Variants in PRKCA observed in about 807,000 individuals in gnomAD.
PRKCA encodes protein kinase C alpha type.
A neutral mutation model predicts 87.0 loss-of-function variants in PRKCA; 27 were observed. That is an observed-to-expected ratio of 0.31 (90% CI 0.23 to 0.43). The LOEUF is 0.43. PRKCA is among the 20% of genes least tolerant of loss of function. The pLI is 1.00. For missense variants in PRKCA, 518 were observed against 852.3 expected (o/e 0.61, Z 4.88); for synonymous variants, 329 against 311.1 (o/e 1.06, Z -0.61).
chr17:66,415,165 G>A (rs1005835251), intron 2 of PRKCA: 3 of 151,904 alleles, frequency 2.0e-5, no homozygotes, highest in African/African-American at 4.8e-5. Flanking sequence ...TCATAGTAAA[G>A]TCTAGATAAT....
At chr17:66,520,039 G>C (rs1163462073) in intron 3 of PRKCA, among the ~76,000 whole-genome samples, 1 of 151,466 alleles carries the variant, frequency 6.6e-6, no homozygotes, top group Non-Finnish European at 1.5e-5. Flanking sequence ...TGTTTTGTTT[G>C]TTTGTTTGTT....
intron 2 of PRKCA, chr17:66,364,463 A>G (rs1908581383): frequency 6.6e-6 from 1 of 152,246 alleles, no homozygotes; most frequent in Non-Finnish European, 1.5e-5. Context: ...AGGAAGTAAC[A>G]TTTGAATTTG....
intron 3 of PRKCA, among the ~76,000 whole-genome samples, chr17:66,614,682 C>A (rs1245110335): frequency 6.6e-6 from 1 of 152,164 alleles, no homozygotes; most frequent in Non-Finnish European, 1.5e-5. Flanking sequence ...TGGTGGCTGG[C>A]AAATACCGTG....
chr17:66,641,073 G>A (rs950568758), intron 3 of PRKCA: 11 of 338,764 alleles, frequency 3.2e-5, no homozygotes, highest in South Asian at 3.0e-4. Flanking sequence ...CAGGACAATC[G>A]TTTGAACCCA....
intron 2 of PRKCA, among the ~76,000 whole-genome samples, chr17:66,448,729 A>G (rs1271984287): frequency 6.6e-6 from 1 of 152,144 alleles, no homozygotes; most frequent in Non-Finnish European, 1.5e-5. Context: ...AAATTCAGCA[A>G]CATCACACAT....
At chr17:66,529,336 T>C (rs1226056100) in intron 3 of PRKCA, among the ~76,000 whole-genome samples, 1 of 152,224 alleles carries the variant, frequency 6.6e-6, no homozygotes, top group Non-Finnish European at 1.5e-5. Flanking sequence ...CACCAGCAGC[T>C]GACCTGGTGG....
rs187892910 is a variant in PRKCA, at chr17:66,541,445, C to A, written c.288+45162C>A. On this transcript the variant is annotated intron_variant, in intron 3 of 16. Transcript: ENST00000413366. ...CCTCTGTTGCTTATATTGATTTCTG[C>A]GGCAAAGAGCAGTTGACTGGGATTG... is the stretch of plus-strand genomic sequence containing the variant. Among the ~76,000 whole-genome samples the A allele has an allele frequency of 5.9e-5, 9 of 152,294 alleles. No homozygotes were observed. In the East Asian group the frequency reaches 1.7e-3, roughly 29 times the overall value.
intron 2 of PRKCA, among the ~76,000 whole-genome samples, chr17:66,378,361 A>G (rs1474124713): frequency 6.6e-6 from 1 of 152,178 alleles, no homozygotes; most frequent in Non-Finnish European, 1.5e-5. Context: ...TATGCCATTT[A>G]AAATATAAGG....
At chr17:66,461,775 G>A (rs1344964260) in intron 2 of PRKCA, among the ~76,000 whole-genome samples, 1 of 152,114 alleles carries the variant, frequency 6.6e-6, no homozygotes, top group Non-Finnish European at 1.5e-5. Context: ...GGGTTTCATG[G>A]TGGCCCATGA....
chr17:66,367,979 T>C (rs150377933), intron 2 of PRKCA, among the ~76,000 whole-genome samples: 2 of 152,288 alleles, frequency 1.3e-5, no homozygotes, highest in East Asian at 3.9e-4. Flanking sequence ...GCAGTTCCTC[T>C]TCATAGGGAG....
At chr17:66,708,191 C>T (rs1424089515) in intron 8 of PRKCA, among the ~76,000 whole-genome samples, 1 of 152,194 alleles carries the variant, frequency 6.6e-6, no homozygotes, top group African/African-American at 2.4e-5. Flanking sequence ...ATTCAGGGAA[C>T]TCGGTGGCTG....
intron 2 of PRKCA, 149 bp downstream of exon 2, chr17:66,306,276 A>G: frequency 1.3e-6 from 1 of 742,998 alleles, no homozygotes; most frequent in Non-Finnish European, 2.1e-6. Context: ...TGGGCCTTAA[A>G]AAATAATTGG....
At chr17:66,560,010 C>T (rs1160590606) in intron 3 of PRKCA, among the ~76,000 whole-genome samples, 5 of 152,292 alleles carry the variant, frequency 3.3e-5, no homozygotes, top group Admixed American at 3.3e-4. Flanking sequence ...GTGCTGAGGG[C>T]CTCACAGCCG....
intron 13 of PRKCA, among the ~76,000 whole-genome samples, chr17:66,772,076 A>G (rs1407993040): frequency 6.6e-6 from 1 of 152,162 alleles, no homozygotes; most frequent in Non-Finnish European, 1.5e-5. Context: ...CTTTTGGGAG[A>G]GCAATTTACC....
At chr17:66,439,512 T>C (rs764361943) in intron 2 of PRKCA, among the ~76,000 whole-genome samples, 26 of 152,212 alleles carry the variant, frequency 1.7e-4, no homozygotes, top group Non-Finnish European at 2.8e-4. Context: ...AAAAAAATTA[T>C]GTTGCTCTAC....
chr17:66,348,983 TA>T (rs1331759713), intron 2 of PRKCA, among the ~76,000 whole-genome samples: 1 of 152,238 alleles, frequency 6.6e-6, no homozygotes, highest in African/African-American at 2.4e-5. Flanking sequence ...GATTTTTTCA[TA>T]AAACCTTTCT....
intron 5 of PRKCA, among the ~76,000 whole-genome samples, chr17:66,678,813 A>G (rs1254426648): frequency 6.6e-6 from 1 of 152,076 alleles, no homozygotes; most frequent in African/African-American, 2.4e-5. Context: ...CTTGGTTTCA[A>G]TATTTGTTTT....
chr17:66,410,207 A>AC (rs1911694941), intron 2 of PRKCA, among the ~76,000 whole-genome samples: 1 of 149,072 alleles, frequency 6.7e-6, no homozygotes, highest in African/African-American at 2.5e-5. Context: ...ACCAACAGAG[A>AC]TTTTTTTTTT....
intron 2 of PRKCA, among the ~76,000 whole-genome samples, chr17:66,334,930 A>T (rs1172923743): frequency 6.6e-6 from 1 of 152,238 alleles, no homozygotes; most frequent in Admixed American, 6.5e-5. Flanking sequence ...TTAAACAGGA[A>T]GGGAATTCTG....
Sources: allele counts gnomAD v4.1 joint callset (sites outside exome capture counted in the v4.1 genomes callset), GRCh38; gene constraint gnomAD v4.1.1; transcripts MANE v1.5; gene names NCBI Gene and HGNC (gene_info 2026-07-23, HGNC 2026-07-21).